AGAP3: variants seen among roughly 807,000 people sequenced by gnomAD.
The protein encoded by AGAP3 is ArfGAP with GTPase domain, ankyrin repeat and PH domain 3.
A neutral mutation model predicts 96.9 loss-of-function variants in AGAP3; 24 were observed. The ratio of observed to expected loss-of-function variants is 0.25; its 90% CI spans 0.18 to 0.35. The LOEUF (loss-of-function observed/expected upper bound fraction) is 0.35, where lower values mean the gene tolerates loss of function less well. AGAP3 is among the 10% of genes least tolerant of loss of function. AGAP3 has a pLI of 1.00. For synonymous variants in AGAP3, 563 were observed against 536.1 expected, an observed-to-expected ratio of 1.05 and a Z score of -0.69; for missense variants, 876 against 1,254.2, an observed-to-expected ratio of 0.70 and a Z score of 4.55.
intron 8 of AGAP3, chr7:151,123,513 G>C (rs1050420796): frequency 1.8e-5 from 22 of 1,242,920 alleles, no homozygotes; most frequent in Admixed American, 3.7e-5. Flanking sequence ...TTACGCCCCC[G>C]CCCCGGGCGT....
At chr7:151,100,757 G>A (rs1224343090) in intron 1 of AGAP3, among the ~76,000 whole-genome samples, 2 of 152,214 alleles carry the variant, frequency 1.3e-5, no homozygotes, top group African/African-American at 2.4e-5. Context: ...TGCGAGGATC[G>A]CCTGAGCCCA....
Position 151,096,852 on chromosome 7 carries a change from C to T in AGAP3, c.331+9780C>T, listed in dbSNP as rs955491366. 6.6e-6 allele frequency among the ~76,000 whole-genome samples: 1 copy of T among 151,890 alleles called. No individual in the cohort carries two copies. The highest frequency in any genetic ancestry group is 6.6e-5 in the Admixed American group (1 of 15,254). On this transcript the variant is annotated intron_variant, in intron 1 of 17. Coordinates refer to ENST00000397238, the MANE Select transcript of AGAP3 (RefSeq NM_031946.7). The surrounding 1 kb of genome is among the most constrained non-coding windows in gnomAD (Gnocchi z 4.4). ...GGAGTGTAGTGGTATGATCTCAGCT[C>T]ACTGCAACCTCTGCCTCCCGAGTTC...
intron 11 of AGAP3, among the ~76,000 whole-genome samples, chr7:151,135,969 G>A (rs1198019768): frequency 6.6e-6 from 1 of 152,236 alleles, no homozygotes; most frequent in Non-Finnish European, 1.5e-5. Flanking sequence ...ATGGAGGGAA[G>A]GAAGGAAGCT....
At position 151,118,884 on chromosome 7, in the gene AGAP3, C is replaced by A. The variant is rs1204690175; in HGVS notation, c.969+252C>A. Among the ~76,000 whole-genome samples the A allele has an allele frequency of 6.6e-6, 1 of 152,242 alleles. No individual in the cohort carries two copies. The highest frequency in any genetic ancestry group is 2.4e-5 in the African/African-American group (1 of 41,474). ...CTTCTCTCTGCTCTCCACCATTCCA[C>A]AGCCTGCATTCCCTACCCCGATGCC... is the stretch of plus-strand genomic sequence containing the variant. On this transcript the variant is annotated intron_variant, in intron 7 of 17. Transcript: ENST00000397238. This position sits in a 1 kb window ranked among gnomAD's most constrained non-coding sequence, Gnocchi z 6.1.
In AGAP3 at chr7:151,105,879, T is replaced by TC. The variant is rs1188374080; in HGVS notation, c.332-10914_332-10913insC. ...ATGCTAGGTAAGAGTCTTTTTTTTT[T>TC]TTTTAAACCAGCTCATGTTTAATTG... On this transcript the variant is annotated intron_variant, in intron 1 of 17. Coordinates refer to ENST00000397238, the MANE Select transcript of AGAP3 (RefSeq NM_031946.7). Among the ~76,000 whole-genome samples, 3 of 148,560 alleles carry TC rather than the reference T, an allele frequency of 2.0e-5. No individual in the cohort carries two copies. In the Admixed American group the frequency reaches 2.0e-4, roughly 10 times the overall value.
intron 1 of AGAP3, among the ~76,000 whole-genome samples, chr7:151,093,137 A>T (rs1340060362): frequency 6.6e-6 from 1 of 152,122 alleles, no homozygotes; most frequent in African/African-American, 2.4e-5. Context: ...ATGTATGTAT[A>T]TGTGTGTGTA....
intron 8 of AGAP3, among the ~76,000 whole-genome samples, chr7:151,121,731 C>A (rs1799904422): frequency 6.6e-6 from 1 of 152,182 alleles, no homozygotes; most frequent in South Asian, 2.1e-4. Context: ...ACAGCGGCGA[C>A]CTTATATTTT....
chr7:151,138,817 T>TG (rs1800710388), intron 12 of AGAP3, among the ~76,000 whole-genome samples: 2 of 152,254 alleles, frequency 1.3e-5, no homozygotes, highest in South Asian at 4.1e-4. Flanking sequence ...ACTGTGGAAC[T>TG]GGGGGGTCCC....
intron 1 of AGAP3, among the ~76,000 whole-genome samples, chr7:151,099,168 C>G (rs371726991): frequency 2.0e-5 from 3 of 151,620 alleles, no homozygotes; most frequent in South Asian, 2.1e-4. Flanking sequence ...ACAGTGAAAC[C>G]CCGTCTCTAC....
At chr7:151,115,144 C>T (rs1304122071) in intron 1 of AGAP3, 2 of 1,045,284 alleles carry the variant, frequency 1.9e-6, no homozygotes, top group Non-Finnish European at 1.2e-6. Context: ...CCCCGGCCGG[C>T]CAGCATGACT....
intron 8 of AGAP3, among the ~76,000 whole-genome samples, chr7:151,121,369 C>CCTG (rs201172297): frequency 0.06 from 9,173 of 151,922 alleles, 533 homozygotes; most frequent in African/African-American, 0.15. Context: ...CGAGCCCACA[C>CCTG]CTGCTGCTGC....
rs146402002 is a variant in AGAP3 at position 151,093,001 on chromosome 7, G to A, written c.331+5929G>A. Among the ~76,000 whole-genome samples, 11 of 152,228 alleles carry A rather than the reference G, an allele frequency of 7.2e-5. No individual in the cohort carries two copies. In the East Asian group the frequency reaches 9.6e-4, roughly 13 times the overall value. On this transcript the variant is annotated intron_variant, in intron 1 of 17. Coordinates refer to ENST00000397238, the MANE Select transcript of AGAP3 (RefSeq NM_031946.7). ...TCCCCACTATAATTTTCTTCTGGACGTCTTCAATCCCCAACTGAATTGAAT... is the reference window on the plus strand; with the variant it reads ...TCCCCACTATAATTTTCTTCTGGACATCTTCAATCCCCAACTGAATTGAAT...
chr7:151,128,711 G>A (rs1390973169), intron 10 of AGAP3, 27 bp downstream of exon 10: 3 of 1,586,746 alleles, frequency 1.9e-6, no homozygotes, highest in African/African-American at 1.3e-5. Context: ...GAGCCTCCTG[G>A]GGGAGTATGG....
chr7:151,094,076 GTGAGATTT>G (rs1264701606), intron 1 of AGAP3, among the ~76,000 whole-genome samples: 1 of 152,154 alleles, frequency 6.6e-6, no homozygotes, highest in East Asian at 1.9e-4. Flanking sequence ...GTGGGGAGAG[GTGAGATTT>G]TCTGTACCTC....
At chr7:151,110,064 T>C (rs906707158) in intron 1 of AGAP3, among the ~76,000 whole-genome samples, 1 of 152,204 alleles carries the variant, frequency 6.6e-6, no homozygotes, top group Non-Finnish European at 1.5e-5. Context: ...TCCAGCTTTC[T>C]CAACTCCAGG....
intron 1 of AGAP3, among the ~76,000 whole-genome samples, chr7:151,087,889 G>A (rs188990944): frequency 6.8e-4 from 103 of 152,382 alleles, no homozygotes; most frequent in East Asian, 5.4e-3. Flanking sequence ...CGCAAGCCCT[G>A]GTGTGGTGGG....
At chr7:151,100,797 G>A (rs796876462) in intron 1 of AGAP3, among the ~76,000 whole-genome samples, 1 of 152,204 alleles carries the variant, frequency 6.6e-6, no homozygotes, top group Non-Finnish European at 1.5e-5. Context: ...AGCTGAGATT[G>A]CACCACTGCA....
At chr7:151,115,211 G>A in intron 1 of AGAP3, 1 of 1,001,704 alleles carries the variant, frequency 1.0e-6, no homozygotes, top group African/African-American at 1.8e-5. Context: ...GCGCGGGTCT[G>A]GGGCGCGCGG....
At chr7:151,123,002 G>A in intron 8 of AGAP3, 5 of 1,407,948 alleles carry the variant, frequency 3.6e-6, no homozygotes, top group African/African-American at 1.5e-5. Context: ...CCGGCCGGAC[G>A]CTGCAGGCTC....
Sources: gnomAD v4.1 joint callset for allele counts (sites outside exome capture counted in the v4.1 genomes callset) on GRCh38, gnomAD v4.1.1 for gene constraint, Gnocchi (gnomAD v3.1) non-coding constraint, MANE v1.5 for transcripts, NCBI Gene and HGNC (gene_info 2026-07-23, HGNC 2026-07-21) for gene names.